Variants in PDE10A observed in about 807,000 individuals in gnomAD.
PDE10A encodes cAMP and cAMP-inhibited cGMP 3',5'-cyclic phosphodiesterase 10A.
A neutral mutation model predicts 97.7 loss-of-function variants in PDE10A; 39 were observed. That is an observed-to-expected ratio of 0.40 (90% CI 0.31 to 0.52). The LOEUF is 0.52. Ranked by LOEUF, PDE10A falls within the 20% of genes least tolerant of loss-of-function variation. The probability of loss-of-function intolerance (pLI) is 0.56; values close to 1 mark genes in which losing one functional copy is unlikely to be tolerated. For synonymous variants in PDE10A, 371 were observed against 376.8 expected (o/e 0.98, Z 0.18); for missense variants, 731 against 1,047.8 (o/e 0.70, Z 4.17).
chr6:165,436,615 C>A (rs1430476616), intron 5 of PDE10A, among the ~76,000 whole-genome samples: 2 of 151,890 alleles, frequency 1.3e-5, no homozygotes, highest in African/African-American at 4.8e-5. Context: ...CTATTAAGTA[C>A]GATGCATGTG....
At position 165,661,321 on chromosome 6, in the gene PDE10A, G is replaced by A. The variant is rs994180586; in HGVS notation, c.865+626C>T. 6.6e-6 allele frequency: 1 copy of A among 152,310 alleles called. No homozygotes were observed. Among genetic ancestry groups the A allele is most frequent in the African/African-American group, 2.4e-5 (1 of 41,460 alleles). The allele number at this position is 152,310 out of a possible 1,614,324, so 9.4% of individuals were successfully genotyped here. ...ACCAACAGGACGCGGCCCGGGGTGG[G>A]GGTGCGTCCCCTGGGTGGAGGTGCA... On this transcript the variant is annotated intron_variant, in intron 1 of 21. Transcript: ENST00000539869. The surrounding 1 kb of genome is among the most constrained non-coding windows in gnomAD (Gnocchi z 4.8).
At chr6:165,719,581 C>T (rs1351839260) in intron 1 of PDE10A, among the ~76,000 whole-genome samples, 1 of 152,038 alleles carries the variant, frequency 6.6e-6, no homozygotes, top group African/African-American at 2.4e-5. Context: ...AGGAGCTTCC[C>T]AGAAGGAGGG....
chr6:165,545,179 A>G (rs370224473), intron 1 of PDE10A: 1 of 507,540 alleles, frequency 2.0e-6, no homozygotes, highest in Admixed American at 2.1e-5. Flanking sequence ...AGGCTATAGA[A>G]TTCTTATCCT....
chr6:165,916,625 A>C (rs1782609951), intron 1 of PDE10A, among the ~76,000 whole-genome samples: 1 of 152,234 alleles, frequency 6.6e-6, no homozygotes, highest in South Asian at 2.1e-4. Context: ...GCTTGGAGCC[A>C]GCTCCACATG....
intron 1 of PDE10A, among the ~76,000 whole-genome samples, chr6:165,658,004 C>T (rs540328625): frequency 2.0e-5 from 3 of 152,248 alleles, no homozygotes; most frequent in South Asian, 4.1e-4. Flanking sequence ...AAACAATTTA[C>T]ACTCAGTAGA....
chr6:165,464,230 T>C (rs1004931308), intron 3 of PDE10A, among the ~76,000 whole-genome samples: 6 of 152,170 alleles, frequency 3.9e-5, no homozygotes, highest in Admixed American at 3.9e-4. Context: ...ATGTGTAAGC[T>C]GATAATTGTC....
intron 1 of PDE10A, among the ~76,000 whole-genome samples, chr6:165,890,983 T>C (rs774399775): frequency 5.3e-5 from 8 of 152,200 alleles, no homozygotes; most frequent in African/African-American, 1.9e-4. Context: ...ACAAATGATT[T>C]TTCCCACAAC....
At chr6:165,530,069 C>T (rs373649337) in intron 2 of PDE10A, among the ~76,000 whole-genome samples, 6 of 152,052 alleles carry the variant, frequency 3.9e-5, no homozygotes, top group African/African-American at 1.4e-4. Context: ...GGCAGAAAAA[C>T]GTGAAAAGGT....
chr6:165,541,715 TA>T (rs2128322099), intron 2 of PDE10A, among the ~76,000 whole-genome samples: 2 of 152,326 alleles, frequency 1.3e-5, no homozygotes, highest in African/African-American at 4.8e-5. Context: ...TTATAAAAAC[TA>T]AATTATGCTA....
At chr6:165,856,923 AACTTTT>A (rs1780753478) in intron 1 of PDE10A, among the ~76,000 whole-genome samples, 2 of 152,216 alleles carry the variant, frequency 1.3e-5, no homozygotes, top group Admixed American at 6.5e-5. Context: ...AACACTCAAA[AACTTTT>A]TAGACCTTCC....
intron 2 of PDE10A, among the ~76,000 whole-genome samples, chr6:165,494,697 A>G (rs1033847598): frequency 4.6e-5 from 7 of 152,098 alleles, no homozygotes; most frequent in Admixed American, 6.6e-5. Context: ...TGCATTTTGA[A>G]CAATTTCTAC....
At chr6:165,904,701 A>C (rs1316548952) in intron 1 of PDE10A, among the ~76,000 whole-genome samples, 1 of 152,178 alleles carries the variant, frequency 6.6e-6, no homozygotes, top group Admixed American at 6.5e-5. Context: ...TATATTTCAC[A>C]TTTCTCTGAG....
At chr6:165,374,440 A>G (rs1036221941) in intron 18 of PDE10A, among the ~76,000 whole-genome samples, 2 of 150,688 alleles carry the variant, frequency 1.3e-5, no homozygotes, top group Admixed American at 6.6e-5. Flanking sequence ...TATCCTTAAC[A>G]AAAATATAGA....
rs1485593217 is a variant in PDE10A at position 165,332,003 on chromosome 6, T to C, written c.*1022A>G. On this transcript the variant is annotated 3_prime_UTR_variant, in exon 22 of 22. Transcript: ENST00000539869. ...GGCAGGTCAGAGTAAAATTACAAAA[T>C]ACACTTTTTATGGTTTGATGTTTAA... 1 of 152,178 alleles carries C rather than the reference T, an allele frequency of 6.6e-6. No homozygotes were observed. Among genetic ancestry groups the C allele is most frequent in the Non-Finnish European group, 1.5e-5 (1 of 68,024 alleles). 9.4% of individuals were successfully genotyped at this position (152,178 alleles called of 1,614,324 possible).
chr6:165,399,713 A>G (rs937716601), intron 13 of PDE10A, among the ~76,000 whole-genome samples: 2 of 152,026 alleles, frequency 1.3e-5, no homozygotes, highest in African/African-American at 4.8e-5. Flanking sequence ...GCGGAGAATG[A>G]TGGTTTCCAG....
chr6:165,720,951 G>A (rs769114047), intron 1 of PDE10A, among the ~76,000 whole-genome samples: 3 of 152,208 alleles, frequency 2.0e-5, no homozygotes, highest in Admixed American at 2.0e-4. Flanking sequence ...CAATGTTCAT[G>A]GGTTTGGAAG....
chr6:165,367,777 C>A, intron 18 of PDE10A, among the ~76,000 whole-genome samples: 1 of 148,048 alleles, frequency 6.8e-6, no homozygotes, highest in African/African-American at 2.5e-5. Context: ...AAAGCGAAGC[C>A]ACAATAAAGC....
intron 1 of PDE10A, among the ~76,000 whole-genome samples, chr6:165,708,794 C>T (rs1378509680): frequency 8.4e-6 from 1 of 118,346 alleles, no homozygotes; most frequent in Non-Finnish European, 1.8e-5. Context: ...CCACATGCTG[C>T]CGCGCTCTCC....
intron 1 of PDE10A, among the ~76,000 whole-genome samples, chr6:165,556,176 G>T (rs1168594754): frequency 6.6e-6 from 1 of 152,148 alleles, no homozygotes; most frequent in Non-Finnish European, 1.5e-5. Context: ...GTTATATGCA[G>T]GACTGGGCTG....
Sources: gnomAD v4.1 joint callset for allele counts (sites outside exome capture counted in the v4.1 genomes callset) on GRCh38, gnomAD v4.1.1 for gene constraint, Gnocchi (gnomAD v3.1) non-coding constraint, MANE v1.5 for transcripts, NCBI Gene and HGNC (gene_info 2026-07-23, HGNC 2026-07-21) for gene names.